CALCRL: variants seen among roughly 807,000 people sequenced by gnomAD.
CALCRL encodes the protein calcitonin gene-related peptide type 1 receptor.
In CALCRL, 27 loss-of-function variants were observed where a neutral mutation model predicts 60.4. The ratio of observed to expected loss-of-function variants is 0.45; its 90% CI spans 0.33 to 0.62. CALCRL has a LOEUF of 0.62. CALCRL is among the 20% of genes least tolerant of loss of function. The pLI is 0.03. For missense variants in CALCRL, 424 were observed against 540.7 expected, an observed-to-expected ratio of 0.78 and a Z score of 2.14; for synonymous variants, 190 against 182.6, an observed-to-expected ratio of 1.04 and a Z score of -0.33.
chr2:187,349,954 A>G (rs1206761163), intron 14 of CALCRL, among the ~76,000 whole-genome samples: 1 of 151,682 alleles, frequency 6.6e-6, no homozygotes, highest in Non-Finnish European at 1.5e-5. Flanking sequence ...GGTGCTAAAA[A>G]CTTTATCTTT....
At chr2:187,358,637 G>A (rs2105721444) in intron 12 of CALCRL, among the ~76,000 whole-genome samples, 1 of 151,832 alleles carries the variant, frequency 6.6e-6, no homozygotes, top group South Asian at 2.1e-4. Context: ...TGGCTAATTG[G>A]AAAAACCAAA....
chr2:187,364,175 G>C (rs541771245), intron 8 of CALCRL, among the ~76,000 whole-genome samples: 138 of 59,728 alleles, frequency 2.3e-3, no homozygotes, highest in Non-Finnish European at 5.1e-3. Context: ...ACTGTGTGGA[G>C]TTCACATAGA....
At chr2:187,362,039 G>T (rs1687077383) in intron 9 of CALCRL, among the ~76,000 whole-genome samples, 2 of 151,850 alleles carry the variant, frequency 1.3e-5, no homozygotes, top group Non-Finnish European at 2.9e-5. Context: ...GAGTTTTTAA[G>T]TATTTATATT....
chr2:187,390,226 G>C (rs1399196225), intron 1 of CALCRL, among the ~76,000 whole-genome samples: 1 of 152,004 alleles, frequency 6.6e-6, no homozygotes, highest in South Asian at 2.1e-4. Flanking sequence ...GCATTTGGAA[G>C]ACATAAAGGT....
Position 187,385,642 on chromosome 2 carries a change from A to G in CALCRL, c.-36-11T>C. 7.9e-7 allele frequency: 1 copy of G among 1,260,768 alleles called. No homozygotes were observed. 78.1% of individuals were successfully genotyped at this position (1,260,768 alleles called of 1,614,324 possible). Reference sequence around the variant, plus strand: ...GCTGTATAACATAAACTGCAACAGAAAATAAAAGAAATATAATTCATCAAT... The same window carrying G: ...GCTGTATAACATAAACTGCAACAGAGAATAAAAGAAATATAATTCATCAAT... On this transcript the variant is annotated splice_polypyrimidine_tract_variant and intron_variant, in intron 3 of 14. Coordinates refer to ENST00000392370, the MANE Select transcript of CALCRL (RefSeq NM_005795.6).
At chr2:187,367,397 G>T (rs1377595662) in intron 8 of CALCRL, among the ~76,000 whole-genome samples, 1 of 152,044 alleles carries the variant, frequency 6.6e-6, no homozygotes. Context: ...TTAAACAAAT[G>T]CAGACAGATG....
At chr2:187,355,265 G>A (rs2105709442) in intron 12 of CALCRL, among the ~76,000 whole-genome samples, 1 of 152,160 alleles carries the variant, frequency 6.6e-6, no homozygotes, top group Admixed American at 6.6e-5. Context: ...GTAGAGCCAG[G>A]ATTCAGTGCT....
chr2:187,355,657 C>A (rs16828917), intron 12 of CALCRL, among the ~76,000 whole-genome samples: 2 of 151,660 alleles, frequency 1.3e-5, no homozygotes. Context: ...ATATAAATAA[C>A]TTGATCGCAG....
chr2:187,419,335 G>T (rs971173374), intron 1 of CALCRL, among the ~76,000 whole-genome samples: 2 of 152,110 alleles, frequency 1.3e-5, no homozygotes, highest in Non-Finnish European at 1.5e-5. Context: ...CCAAGAAGAG[G>T]AAGAGATGTC....
At chr2:187,376,015 A>G (rs1687742619) in intron 8 of CALCRL, among the ~76,000 whole-genome samples, 3 of 152,188 alleles carry the variant, frequency 2.0e-5, no homozygotes, top group East Asian at 3.8e-4. Context: ...ACAGATACCA[A>G]CTTCCCTGAT....
chr2:187,343,563 A>G lies in CALCRL; in HGVS notation c.*2621T>C, dbSNP rs56035809. ...ACAAACACTGCATTCCAGAATGAAT[A>G]TTTTATGAATAAATGCATTGGAAAT... is the stretch of plus-strand genomic sequence containing the variant. On this transcript the variant is annotated 3_prime_UTR_variant, in exon 15 of 15. Transcript: ENST00000392370. 6,343 of 152,042 alleles carry G rather than the reference A, an allele frequency of 0.042. 285 individuals carry two copies. The highest frequency in any genetic ancestry group is 0.18 in the East Asian group (944 of 5,178). 9.4% of individuals were successfully genotyped at this position (152,042 alleles called of 1,614,324 possible).
In CALCRL at chr2:187,411,219, T is replaced by C. The variant is rs1027918858; in HGVS notation, c.-292-23463A>G. On this transcript the variant is annotated intron_variant, in intron 1 of 14. Transcript: ENST00000392370. ...ACAGTTGAGGTAATCTTAAAAAAATTAATATAAACTCTATCAAAAGTTGTA... is the reference window on the plus strand; with the variant it reads ...ACAGTTGAGGTAATCTTAAAAAAATCAATATAAACTCTATCAAAAGTTGTA... Among the ~76,000 whole-genome samples the C allele has an allele frequency of 2.9e-4, 44 of 152,110 alleles. 1 individual carries two copies. Among genetic ancestry groups the C allele is most frequent in the African/African-American group, 8.9e-4 (37 of 41,420 alleles).
intron 1 of CALCRL, among the ~76,000 whole-genome samples, chr2:187,417,999 C>A (rs1040718511): frequency 1.3e-5 from 2 of 152,138 alleles, no homozygotes; most frequent in Admixed American, 1.3e-4. Flanking sequence ...AACATCTTTG[C>A]CCAATTCCCA....
chr2:187,421,846 G>A (rs1254134946), intron 1 of CALCRL, among the ~76,000 whole-genome samples: 3 of 152,110 alleles, frequency 2.0e-5, no homozygotes, highest in South Asian at 2.1e-4. Context: ...CATTCTCATC[G>A]TCGCAAGTTG....
chr2:187,352,278 C>T lies in CALCRL; in HGVS notation c.964G>A (p.Val322Ile), dbSNP rs1396849967. Residue 322 changes from valine to isoleucine, a missense_variant, in exon 13 of 15, where the codon GTT becomes ATT. Transcript: ENST00000392370. ...AGATTGGATTCCGCTTGGTGTGTAA[C>T]TTTTAACTTGGTGATGAGAACGCGT... ...IVRVLITKLK[V>I]THQAESNLYM... is the part of the protein sequence containing the mutation. The T allele has an allele frequency of 1.2e-6, 2 of 1,612,116 alleles. No individual in the cohort carries two copies. Among genetic ancestry groups the T allele is most frequent in the South Asian group, 2.2e-5 (2 of 91,024 alleles).
intron 12 of CALCRL, among the ~76,000 whole-genome samples, chr2:187,355,051 G>A (rs1175755996): frequency 2.0e-5 from 3 of 151,982 alleles, no homozygotes; most frequent in African/African-American, 7.2e-5. Context: ...AACTTGGAAG[G>A]CATTTTTTCA....
At chr2:187,374,201 C>A (rs561452821) in intron 8 of CALCRL, among the ~76,000 whole-genome samples, 2 of 151,546 alleles carry the variant, frequency 1.3e-5, no homozygotes, top group South Asian at 4.2e-4. Flanking sequence ...AGAACACACT[C>A]TCCTGTAATG....
intron 1 of CALCRL, among the ~76,000 whole-genome samples, chr2:187,412,346 C>T (rs901842997): frequency 6.6e-6 from 1 of 152,170 alleles, no homozygotes; most frequent in African/African-American, 2.4e-5. Flanking sequence ...AAATGATCCA[C>T]AGGGTAGACT....
rs774743022 is a variant in CALCRL, at chr2:187,380,663, A to T, written c.295+14T>A. 1 of 1,604,762 alleles carries T rather than the reference A, an allele frequency of 6.2e-7. No individual in the cohort carries two copies. The highest frequency in any genetic ancestry group is 2.2e-5 in the East Asian group (1 of 44,804). On this transcript the variant is annotated intron_variant, in intron 6 of 14. Coordinates refer to ENST00000392370, the MANE Select transcript of CALCRL (RefSeq NM_005795.6). ...AGATGTCAAGGAGATATGTAGATAC[A>T]TTTCTGCTTTTACCTGATGGATCAA...
Sources: gnomAD v4.1 joint callset for allele counts (sites outside exome capture counted in the v4.1 genomes callset) on GRCh38, gnomAD v4.1.1 for gene constraint, MANE v1.5 for transcripts, NCBI Gene and HGNC (gene_info 2026-07-23, HGNC 2026-07-21) for gene names.